SPOPL: variants seen among roughly 807,000 people sequenced by gnomAD.
SPOPL encodes the protein speckle-type POZ protein-like.
SPOPL carries 23 observed loss-of-function variants against 53.8 expected under a neutral mutation model. The observed-to-expected ratio is 0.43, with a 90% CI of 0.31 to 0.61. The LOEUF is 0.61. Among genes scored for constraint, SPOPL ranks in the 20% least tolerant of loss-of-function variants. SPOPL has a pLI of 0.12. For missense variants in SPOPL, 442 were observed against 466.9 expected (o/e 0.95, Z 0.49); for synonymous variants, 164 against 149.7 (o/e 1.10, Z -0.70).
intron 10 of SPOPL, among the ~76,000 whole-genome samples, 184 bp from the exon 11 acceptor site, chr2:138,568,752 T>G (rs1205639214): frequency 6.6e-6 from 1 of 152,188 alleles, no homozygotes; most frequent in African/African-American, 2.4e-5. Context: ...AATTTAATAG[T>G]TTCAGTTGCC....
chr2:138,549,709 C>G (rs1685273109), intron 1 of SPOPL, among the ~76,000 whole-genome samples: 1 of 152,058 alleles, frequency 6.6e-6, no homozygotes, highest in Non-Finnish European at 1.5e-5. Context: ...CTATGTTTTA[C>G]TTGACGAAAA....
chr2:138,545,343 G>GTA (rs892612496), intron 1 of SPOPL, among the ~76,000 whole-genome samples: 7 of 152,128 alleles, frequency 4.6e-5, no homozygotes, highest in Non-Finnish European at 1.0e-4. Context: ...GGGAGCCGTA[G>GTA]TAAGCAGGTT....
chr2:138,573,331 C>G lies in SPOPL; in HGVS notation c.*4251C>G, dbSNP rs1685824694. 1 of 152,112 alleles carries G rather than the reference C, an allele frequency of 6.6e-6. No homozygotes were observed. The highest frequency in any genetic ancestry group is 2.1e-4 in the South Asian group (1 of 4,828). 9.4% of individuals were successfully genotyped at this position (152,112 alleles called of 1,614,324 possible). A position where few individuals can be genotyped will look rare whatever the true frequency, so the allele number is the denominator to read the frequency against. ...GAGCCATGTATTTGATACGGTAAAT[C>G]ATGCATAGTAATTGTCTTTTCTACA... On this transcript the variant is annotated 3_prime_UTR_variant, in exon 11 of 11. Transcript: ENST00000280098.
At position 138,529,677 on chromosome 2, in the gene SPOPL, A is replaced by T. The variant is rs59096509; in HGVS notation, c.-60-20480A>T. The stretch of plus-strand genomic sequence containing the variant: ...TCTAAGTCTTTCAACTTTGTTGTTC[A>T]TGATTGCTTTGGTATTCTTGACCCA... On this transcript the variant is annotated intron_variant, in intron 1 of 10. Coordinates refer to ENST00000280098, the MANE Select transcript of SPOPL (RefSeq NM_001001664.3). Among the ~76,000 whole-genome samples the T allele has an allele frequency of 8.5e-3, 1,296 of 152,248 alleles. 23 individuals are homozygous for T. The highest frequency in any genetic ancestry group is 0.03 in the African/African-American group (1,238 of 41,538).
chr2:138,550,097 C>T (rs1457517369), intron 1 of SPOPL, 60 bp from the exon 2 acceptor site: 1 of 744,068 alleles, frequency 1.3e-6, no homozygotes, highest in East Asian at 2.7e-5. Context: ...AATATGTCTT[C>T]CCTCTTGATT....
chr2:138,529,330 G>C (rs570835952), intron 1 of SPOPL, among the ~76,000 whole-genome samples: 9 of 152,038 alleles, frequency 5.9e-5, no homozygotes, highest in Non-Finnish European at 8.8e-5. Flanking sequence ...TACCCATCTC[G>C]TATCATTTTT....
At chr2:138,508,812 C>A (rs2104854227) in intron 1 of SPOPL, among the ~76,000 whole-genome samples, 1 of 152,174 alleles carries the variant, frequency 6.6e-6, no homozygotes, top group African/African-American at 2.4e-5. Context: ...GCTTTAAAAT[C>A]TTTTGCTCTT....
chr2:138,547,619 T>A (rs1265897593), intron 1 of SPOPL, among the ~76,000 whole-genome samples: 3 of 152,078 alleles, frequency 2.0e-5, no homozygotes, highest in Non-Finnish European at 4.4e-5. Context: ...TTTCCACTTT[T>A]AAAAATAATT....
intron 1 of SPOPL, among the ~76,000 whole-genome samples, chr2:138,540,292 G>A (rs1685041279): frequency 6.6e-6 from 1 of 152,122 alleles, no homozygotes; most frequent in Non-Finnish European, 1.5e-5. Context: ...GAAAGTCATT[G>A]GTAGCTTGAT....
intron 1 of SPOPL, among the ~76,000 whole-genome samples, chr2:138,507,109 G>T (rs1200685734): frequency 1.3e-5 from 2 of 152,152 alleles, no homozygotes; most frequent in African/African-American, 4.8e-5. Flanking sequence ...TTAGCAACAT[G>T]AAGAAAATTT....
intron 5 of SPOPL, among the ~76,000 whole-genome samples, chr2:138,557,414 A>G (rs993308372): frequency 7.9e-5 from 12 of 152,218 alleles, no homozygotes; most frequent in Non-Finnish European, 1.5e-5. Flanking sequence ...AGAAGTGTGT[A>G]TTCATTCACA....
At chr2:138,568,822 T>C in intron 10 of SPOPL, 114 bp from the exon 11 acceptor site, 1 of 1,042,108 alleles carries the variant, frequency 9.6e-7, no homozygotes, top group Non-Finnish European at 1.4e-6. Flanking sequence ...TTTGAATACA[T>C]AGGTAAAAAG....
Position 138,551,778 on chromosome 2 carries a change from A to G in SPOPL, c.352+724A>G, listed in dbSNP as rs1482179096. ...TAAGATAGTGGAGTATTTCAGGTAGATTGATTACTAATTTTCCACTTCCAT... is the reference window on the plus strand; with the variant it reads ...TAAGATAGTGGAGTATTTCAGGTAGGTTGATTACTAATTTTCCACTTCCAT... On this transcript the variant is annotated intron_variant, in intron 4 of 10. Transcript: ENST00000280098. 2.0e-5 allele frequency among the ~76,000 whole-genome samples: 3 copies of G among 152,118 alleles called. No homozygotes were observed. The East Asian group carries it at 5.8e-4, about 29-fold the overall frequency.
At chr2:138,525,981 A>G (rs1236576162) in intron 1 of SPOPL, among the ~76,000 whole-genome samples, 1 of 152,064 alleles carries the variant, frequency 6.6e-6, no homozygotes, top group East Asian at 1.9e-4. Context: ...AATGTTCTAT[A>G]TGTCCTTTAT....
rs1685735427 is a variant in SPOPL, at chr2:138,569,560, C to T, written c.*480C>T. Reference sequence around the variant, plus strand: ...ACCAGTAATATCTCCAATCTAAGTTCTATAAATATGGGAGAACCCTCTTAC... The same window carrying T: ...ACCAGTAATATCTCCAATCTAAGTTTTATAAATATGGGAGAACCCTCTTAC... On this transcript the variant is annotated 3_prime_UTR_variant, in exon 11 of 11. Coordinates refer to ENST00000280098, the MANE Select transcript of SPOPL (RefSeq NM_001001664.3). 6.6e-6 allele frequency: 1 copy of T among 152,450 alleles called. No individual in the cohort carries two copies. Among genetic ancestry groups the T allele is most frequent in the South Asian group, 2.1e-4 (1 of 4,836 alleles). The allele number at this position is 152,450 out of a possible 1,614,324, so 9.4% of individuals were successfully genotyped here.
At position 138,552,685 on chromosome 2, in the gene SPOPL, G is replaced by C. The variant is rs377350405; in HGVS notation, c.480+4G>C. On this transcript the variant is annotated splice_donor_region_variant and intron_variant, in intron 5 of 10. Transcript: ENST00000280098. The stretch of plus-strand genomic sequence containing the variant: ...CAAGCTTACATTATTTTGTGAGGTG[G>C]GTACATCTTTTATTCTAAGAACCCC... 3.1e-6 allele frequency: 5 copies of C among 1,608,350 alleles called. No homozygotes were observed. The highest frequency in any genetic ancestry group is 1.7e-5 in the Admixed American group (1 of 58,876).
intron 10 of SPOPL, among the ~76,000 whole-genome samples, chr2:138,568,588 C>T (rs1685714398): frequency 6.6e-6 from 1 of 151,884 alleles, no homozygotes; most frequent in Admixed American, 6.6e-5. Context: ...GAGTAGAGTC[C>T]AATATTTGTA....
intron 1 of SPOPL, among the ~76,000 whole-genome samples, chr2:138,548,357 T>C (rs903358926): frequency 6.6e-6 from 1 of 151,482 alleles, no homozygotes; most frequent in African/African-American, 2.4e-5. Context: ...AACATATAAA[T>C]GCTTTCATGG....
chr2:138,533,323 A>G (rs1300706372), intron 1 of SPOPL, among the ~76,000 whole-genome samples: 1 of 152,180 alleles, frequency 6.6e-6, no homozygotes, highest in Non-Finnish European at 1.5e-5. Context: ...AATACAGCTC[A>G]GGGAATATCT....
Sources: gnomAD v4.1 joint callset for allele counts (sites outside exome capture counted in the v4.1 genomes callset) on GRCh38, gnomAD v4.1.1 for gene constraint, MANE v1.5 for transcripts, NCBI Gene and HGNC (gene_info 2026-07-23, HGNC 2026-07-21) for gene names.